Variants in NTRK2 observed in about 807,000 individuals in gnomAD.
NTRK2 encodes neurotrophic receptor tyrosine kinase 2.
A neutral mutation model predicts 94.5 loss-of-function variants in NTRK2; 13 were observed. That is an observed-to-expected ratio of 0.14 (90% confidence interval 0.09 to 0.22). NTRK2 has a LOEUF of 0.22. NTRK2 is among the 10% of genes least tolerant of loss of function. The pLI, the probability that NTRK2 is intolerant of heterozygous loss-of-function variation, is 1.00. For missense variants in NTRK2, 639 were observed against 1,071.2 expected (o/e 0.60, Z 5.63); for synonymous variants, 372 against 407.4 (o/e 0.91, Z 1.05).
At chr9:84,787,795 A>G (rs555842346) in intron 12 of NTRK2, among the ~76,000 whole-genome samples, 6 of 152,348 alleles carry the variant, frequency 3.9e-5, no homozygotes, top group Non-Finnish European at 7.4e-5. Flanking sequence ...GGGACTATCT[A>G]TAAATCCCTT....
intron 14 of NTRK2, among the ~76,000 whole-genome samples, chr9:84,883,402 A>G (rs556135265): frequency 2.0e-5 from 3 of 152,312 alleles, no homozygotes; most frequent in African/African-American, 7.2e-5. Context: ...TTTAGGTTTT[A>G]AAACATGGAA....
At chr9:84,777,880 G>A (rs949403607) in intron 12 of NTRK2, among the ~76,000 whole-genome samples, 16 of 152,072 alleles carry the variant, frequency 1.1e-4, no homozygotes, top group African/African-American at 3.6e-4. Flanking sequence ...CTTTGCCCCC[G>A]GTGATTCAAG....
intron 6 of NTRK2, among the ~76,000 whole-genome samples, chr9:84,722,160 C>CT (rs36100177): frequency 0.18 from 11,909 of 67,150 alleles, 2,321 homozygotes; most frequent in African/African-American, 0.42. Context: ...CTATTAGGGG[C>CT]TTTTTTTTTT....
intron 9 of NTRK2, among the ~76,000 whole-genome samples, chr9:84,732,650 C>T (rs1365859969): frequency 6.6e-6 from 1 of 152,150 alleles, no homozygotes; most frequent in African/African-American, 2.4e-5. Context: ...CCTGTCCTCC[C>T]CAAGTTCAGG....
intron 2 of NTRK2, among the ~76,000 whole-genome samples, chr9:84,693,517 G>A (rs769039468): frequency 1.3e-5 from 2 of 152,094 alleles, no homozygotes; most frequent in East Asian, 1.9e-4. Flanking sequence ...CATAATTTAT[G>A]TATTGAAGAG....
intron 12 of NTRK2, among the ~76,000 whole-genome samples, chr9:84,759,755 CT>C (rs2065388926): frequency 6.6e-6 from 1 of 152,164 alleles, no homozygotes; most frequent in East Asian, 1.9e-4. Context: ...CTTCACTTCT[CT>C]TTTACCTTTC....
chr9:84,778,000 G>T (rs1419691871), intron 12 of NTRK2, among the ~76,000 whole-genome samples: 1 of 152,116 alleles, frequency 6.6e-6, no homozygotes, highest in Non-Finnish European at 1.5e-5. Context: ...AGTGGCTCAC[G>T]CCTGTAATGT....
intron 12 of NTRK2, chr9:84,812,770 TA>T (rs76023769): frequency 8.4e-5 from 87 of 1,035,764 alleles, no homozygotes; most frequent in East Asian, 2.3e-4. Flanking sequence ...AAAGGAAAAA[TA>T]AAAAAAAAGG....
Position 84,707,869 on chromosome 9 carries a change from A to G in NTRK2, c.385A>G (p.Ser129Gly). ...HINFTRNKLT[S>G]LSRKHFRHLD... ...CAATTTTACCCGAAACAAACTGACG[A>G]GTTTGTCTAGGAAACATTTCCGTCA... The change falls in exon 5 of 19, where the codon AGT becomes GGT. Residue 129 changes from serine (S) to glycine (G), a missense_variant. Physicochemically the swap from Ser to Gly is moderately conservative, Grantham distance 56. Transcript: ENST00000277120. The G allele has an allele frequency of 1.2e-6, 2 of 1,613,206 alleles. No individual in the cohort carries two copies. The highest frequency in any genetic ancestry group is 8.5e-7 in the Non-Finnish European group (1 of 1,179,478).
chr9:84,918,689 G>A (rs2077470095), intron 14 of NTRK2, among the ~76,000 whole-genome samples: 1 of 152,214 alleles, frequency 6.6e-6, no homozygotes, highest in Admixed American at 6.5e-5. Flanking sequence ...GATTGAGAAA[G>A]CTATTTATGT....
chr9:85,008,366 C>CG (rs1291901669), intron 17 of NTRK2, among the ~76,000 whole-genome samples: 15 of 151,944 alleles, frequency 9.9e-5, no homozygotes, highest in African/African-American at 3.6e-4. Flanking sequence ...AAAGTAGTTG[C>CG]AGTTTTGCCA....
intron 12 of NTRK2, chr9:84,812,659 A>G: frequency 9.6e-7 from 1 of 1,044,854 alleles, no homozygotes; most frequent in Non-Finnish European, 1.2e-6. Flanking sequence ...AGAATCAGCC[A>G]TTTGGTACAA....
intron 15 of NTRK2, among the ~76,000 whole-genome samples, chr9:84,938,799 C>G (rs567273324): frequency 1.7e-4 from 26 of 151,836 alleles, no homozygotes; most frequent in Admixed American, 6.5e-5. Flanking sequence ...GCCTGTAATC[C>G]CTGCATTTTG....
intron 12 of NTRK2, among the ~76,000 whole-genome samples, chr9:84,798,912 C>CTATATATATATATATATATATATA (rs57167822): frequency 6.7e-4 from 86 of 128,014 alleles, no homozygotes; most frequent in African/African-American, 1.3e-3. Context: ...CTTCTAAGTG[C>CTATATATATATATATATATATATA]TATATATATA....
chr9:84,749,223 C>T lies in NTRK2; in HGVS notation c.1297-2763C>T, dbSNP rs575117965. ...AGCCTAGGCAACAGGAGCGAAACTC[C>T]GTCTCAAAAAAAAAAAAGTCTATAC... is the stretch of plus-strand genomic sequence containing the variant. On this transcript the variant is annotated intron_variant, in intron 11 of 18. Coordinates refer to ENST00000277120, the MANE Select transcript of NTRK2 (RefSeq NM_006180.6). 2.3e-4 allele frequency among the ~76,000 whole-genome samples: 34 copies of T among 150,984 alleles called. 2 individuals are homozygous for T. In the South Asian group the frequency reaches 7.1e-3, roughly 31 times the overall value.
At chr9:84,699,383 C>T (rs1588033079) in intron 2 of NTRK2, among the ~76,000 whole-genome samples, 2 of 152,252 alleles carry the variant, frequency 1.3e-5, no homozygotes, top group Non-Finnish European at 2.9e-5. Flanking sequence ...TCCATCTTGA[C>T]AAGAAGAAAA....
chr9:84,845,354 A>G (rs2074417265), intron 12 of NTRK2, among the ~76,000 whole-genome samples: 1 of 152,150 alleles, frequency 6.6e-6, no homozygotes, highest in African/African-American at 2.4e-5. Context: ...TGCCCATTAC[A>G]GAAAGGAAAG....
intron 17 of NTRK2, among the ~76,000 whole-genome samples, chr9:85,018,685 C>A (rs1356216761): frequency 6.6e-6 from 1 of 152,202 alleles, no homozygotes; most frequent in Non-Finnish European, 1.5e-5. Context: ...ATATTTACTA[C>A]CCACATCCTT....
At chr9:84,782,427 C>T (rs543066370) in intron 12 of NTRK2, among the ~76,000 whole-genome samples, 5 of 152,324 alleles carry the variant, frequency 3.3e-5, no homozygotes, top group African/African-American at 7.2e-5. Flanking sequence ...GCACGTTCTG[C>T]GGCTCTCCCC....
Sources: gnomAD v4.1 joint callset for allele counts (sites outside exome capture counted in the v4.1 genomes callset) on GRCh38, gnomAD v4.1.1 for gene constraint, MANE v1.5 for transcripts, NCBI Gene and HGNC (gene_info 2026-07-23, HGNC 2026-07-21) for gene names.